TCF20: variants seen among roughly 807,000 people sequenced by gnomAD.
TCF20 encodes the protein transcription factor 20, also known as SPRE-binding protein.
A neutral mutation model predicts 148.6 loss-of-function variants in TCF20; 3 were observed. The observed-to-expected ratio is 0.02, with a 90% confidence interval of 0.01 to 0.05. The LOEUF is 0.05. Ranked by LOEUF, TCF20 falls within the 10% of genes least tolerant of loss-of-function variation. The pLI, the probability that TCF20 is intolerant of heterozygous loss-of-function variation, is 1.00. For missense variants in TCF20, 2,350 were observed against 2,429.3 expected, an observed-to-expected ratio of 0.97 and a Z score of 0.69; for synonymous variants, 1,049 against 909.5, an observed-to-expected ratio of 1.15 and a Z score of -2.76.
In TCF20 at chr22:42,270,020, C is replaced by T. The variant is rs187166731; in HGVS notation, c.-37+319G>A. On this transcript the variant is annotated intron_variant, in intron 1 of 5. Coordinates refer to ENST00000677622, the MANE Select transcript of TCF20 (RefSeq NM_001378418.1). ...CTTTGCACCCAAGGCCTCGCGCGAC[C>T]AGCAGGTAGACCTTCCCTCCGCACC... is the stretch of plus-strand genomic sequence containing the variant. 1,301 of 152,760 alleles carry T rather than the reference C, an allele frequency of 8.5e-3. 21 individuals carry two copies. The highest frequency in any genetic ancestry group is 7.7e-3 in the Non-Finnish European group (530 of 68,422). 9.5% of individuals were successfully genotyped at this position (152,760 alleles called of 1,614,324 possible). A position where few individuals can be genotyped will look rare whatever the true frequency, so the allele number is the denominator to read the frequency against.
chr22:42,210,484 G>T lies in TCF20; in HGVS notation c.4822C>A (p.Gln1608Lys). 6.2e-7 allele frequency: 1 copy of T among 1,614,184 alleles called. No homozygotes were observed. The change falls in exon 2 of 6, where the codon CAA becomes AAA. Residue 1608 changes from glutamine to lysine, a missense_variant. Coordinates refer to ENST00000677622, the MANE Select transcript of TCF20 (RefSeq NM_001378418.1). This position sits in a 1 kb window ranked among gnomAD's most constrained non-coding sequence, Gnocchi z 4.7. ...TKQAVPIVEP[Q>K]EPEIKLKYAT... Reference sequence around the variant, plus strand: ...TATTTTAGTTTGATCTCAGGTTCTTGGGGTTCCACAATGGGAACTGCTTGT... The same window carrying T: ...TATTTTAGTTTGATCTCAGGTTCTTTGGGTTCCACAATGGGAACTGCTTGT...
intron 1 of TCF20, among the ~76,000 whole-genome samples, chr22:42,296,869 G>A (rs1210126703): frequency 6.6e-6 from 1 of 152,202 alleles, no homozygotes; most frequent in Non-Finnish European, 1.5e-5. Flanking sequence ...AGGAGCAGGG[G>A]GAGATTTTCA....
At chr22:42,342,384 G>T (rs185887241) in intron 1 of TCF20, among the ~76,000 whole-genome samples, 123 of 152,250 alleles carry the variant, frequency 8.1e-4, no homozygotes, top group Non-Finnish European at 1.2e-3. Context: ...CACAGTCCTG[G>T]GGTAGGATAA....
intron 1 of TCF20, among the ~76,000 whole-genome samples, chr22:42,255,544 T>C (rs970897607): frequency 6.6e-6 from 1 of 152,114 alleles, no homozygotes; most frequent in African/African-American, 2.4e-5. Flanking sequence ...ACATTATTTA[T>C]TGTTATAAAT....
At position 42,179,490 on chromosome 22, in the gene TCF20, CAAAAAAAAA is replaced by C. The variant is rs57857271; in HGVS notation, c.5749+110_5749+118del. The stretch of plus-strand genomic sequence containing the variant: ...GGTGGGAAGTTTTTTTATGAAGTGA[CAAAAAAAAA>C]AAAAAAAAAAAAGAAAAGAAAAGAA... On this transcript the variant is annotated intron_variant, in intron 3 of 5. Transcript: ENST00000677622. 2,970 of 373,292 alleles carry C rather than the reference CAAAAAAAAA, an allele frequency of 8.0e-3. 72 individuals are homozygous for C. Among genetic ancestry groups the C allele is most frequent in the African/African-American group, 0.075 (2,632 of 34,966 alleles). 23.1% of individuals were successfully genotyped at this position (373,292 alleles called of 1,614,324 possible). A position where few individuals can be genotyped will look rare whatever the true frequency, so the allele number is the denominator to read the frequency against.
At chr22:42,185,378 T>C (rs1421093985) in intron 2 of TCF20, among the ~76,000 whole-genome samples, 3 of 152,196 alleles carry the variant, frequency 2.0e-5, no homozygotes, top group African/African-American at 7.2e-5. Flanking sequence ...ACTGTAAATG[T>C]GGGCTGATGG....
chr22:42,267,412 C>A (rs1181266033), intron 1 of TCF20, among the ~76,000 whole-genome samples: 2 of 151,636 alleles, frequency 1.3e-5, no homozygotes, highest in Admixed American at 6.6e-5. Flanking sequence ...ATAAAAGTGT[C>A]TACTTGTGGG....
At chr22:42,218,437 C>A (rs975259294) in intron 1 of TCF20, among the ~76,000 whole-genome samples, 3 of 152,184 alleles carry the variant, frequency 2.0e-5, no homozygotes, top group Non-Finnish European at 1.5e-5. Context: ...ATTCTGTCTA[C>A]ATGAGTATTA....
chr22:42,189,499 A>G (rs1402840344), intron 2 of TCF20, among the ~76,000 whole-genome samples: 3 of 152,232 alleles, frequency 2.0e-5, no homozygotes, highest in African/African-American at 4.8e-5. Flanking sequence ...ATGGGTAACT[A>G]CGAGAAACCT....
rs763559708 is a variant in TCF20 at position 42,214,440 on chromosome 22, T to C, written c.866A>G (p.Asn289Ser). 4 of 1,614,124 alleles carry C rather than the reference T, an allele frequency of 2.5e-6. No homozygotes were observed. Among genetic ancestry groups the C allele is most frequent in the Admixed American group, 1.7e-5 (1 of 60,006 alleles). The change falls in exon 2 of 6, where the codon AAT becomes AGT. Residue 289 changes from asparagine to serine, a missense_variant. By Grantham distance (46) the Asn-to-Ser change is conservative. Coordinates refer to ENST00000677622, the MANE Select transcript of TCF20 (RefSeq NM_001378418.1). ...CATAGATTGAGGCTGATAGCTGTAATTGGATTGTGTTCCATAAGCCTGTGC... is the reference window on the plus strand; with the variant it reads ...CATAGATTGAGGCTGATAGCTGTAACTGGATTGTGTTCCATAAGCCTGTGC... Reference protein sequence around the residue: ...SNAQAYGTQSNYSYQPQSMKN... With the variant: ...SNAQAYGTQSSYSYQPQSMKN...
intron 1 of TCF20, among the ~76,000 whole-genome samples, chr22:42,304,303 C>A (rs1297075635): frequency 1.3e-5 from 2 of 152,172 alleles, no homozygotes; most frequent in Non-Finnish European, 2.9e-5. Context: ...ATAAATAGAG[C>A]ACAGATTGGA....
intron 1 of TCF20, among the ~76,000 whole-genome samples, chr22:42,326,994 CA>C (rs1288074002): frequency 6.6e-6 from 1 of 152,208 alleles, no homozygotes; most frequent in Admixed American, 6.5e-5. Flanking sequence ...CGCGATCTGG[CA>C]GCAGATCAGG....
At chr22:42,267,069 A>G (rs1160031396) in intron 1 of TCF20, among the ~76,000 whole-genome samples, 1 of 152,096 alleles carries the variant, frequency 6.6e-6, no homozygotes, top group African/African-American at 2.4e-5. Context: ...CGAGTTTGAG[A>G]CCAGCCTGAC....
chr22:42,200,312 C>T (rs878975050), intron 2 of TCF20, among the ~76,000 whole-genome samples: 3 of 152,112 alleles, frequency 2.0e-5, no homozygotes, highest in Admixed American at 2.0e-4. Context: ...CCTCTGCCTC[C>T]TCACTTTCCC....
rs577573206 is a variant in TCF20 at position 42,228,886 on chromosome 22, A to G, written c.-36-13545T>C. Among the ~76,000 whole-genome samples the G allele has an allele frequency of 1.5e-4, 23 of 152,332 alleles. No individual in the cohort carries two copies. The East Asian group carries it at 4.4e-3, about 29-fold the overall frequency. Reference sequence around the variant, plus strand: ...CACTTAAAAAAAAATGAAATAGAGCAGAATGGAAAATAACAGAGTCCACGG... The same window carrying G: ...CACTTAAAAAAAAATGAAATAGAGCGGAATGGAAAATAACAGAGTCCACGG... On this transcript the variant is annotated intron_variant, in intron 1 of 5. Transcript: ENST00000677622.
At chr22:42,333,291 GCT>G (rs1928010652) in intron 1 of TCF20, among the ~76,000 whole-genome samples, 1 of 151,954 alleles carries the variant, frequency 6.6e-6, no homozygotes, top group Non-Finnish European at 1.5e-5. Context: ...CTGTGCAGAG[GCT>G]TTAGAGGATG....
rs1453983242 is a variant in TCF20, at chr22:42,279,447, A to G, written c.-37+4380T>C. ...AGCAGAGATTGCGCCACTGCACTCC[A>G]GTCTGGGCAACAGAGCGACTCCCTC... On this transcript the variant is annotated intron_variant, in intron 1 of 5. Coordinates refer to the TCF20 transcript ENST00000359486. The surrounding 1 kb of genome is among the most constrained non-coding windows in gnomAD (Gnocchi z 4.3). Among the ~76,000 whole-genome samples the G allele has an allele frequency of 6.6e-6, 1 of 152,162 alleles. No individual in the cohort carries two copies. The highest frequency in any genetic ancestry group is 1.5e-5 in the Non-Finnish European group (1 of 68,016).
intron 1 of TCF20, among the ~76,000 whole-genome samples, chr22:42,301,960 C>T (rs73886027): frequency 0.11 from 17,228 of 152,292 alleles, 1,214 homozygotes; most frequent in South Asian, 0.23. Flanking sequence ...GCTGGACGAC[C>T]TCAGGCAGGT....
intron 1 of TCF20, among the ~76,000 whole-genome samples, chr22:42,295,601 G>A (rs1377082849): frequency 2.0e-5 from 3 of 152,040 alleles, no homozygotes; most frequent in Admixed American, 6.6e-5. Context: ...GCACCACCAC[G>A]CCCGGCTAAT....
Sources: gnomAD v4.1 joint callset for allele counts (sites outside exome capture counted in the v4.1 genomes callset) on GRCh38, gnomAD v4.1.1 for gene constraint, Gnocchi (gnomAD v3.1) non-coding constraint, MANE v1.5 for transcripts, NCBI Gene and HGNC (gene_info 2026-07-23, HGNC 2026-07-21) for gene names.